Variants in SLC39A7 observed in about 807,000 individuals in gnomAD.
SLC39A7 encodes solute carrier family 39 member 7.
SLC39A7 carries 25 observed loss-of-function variants against 39.7 expected under a neutral mutation model. The observed-to-expected ratio is 0.63, with a 90% CI of 0.46 to 0.88. The LOEUF (loss-of-function observed/expected upper bound fraction) is 0.88. Ranked by LOEUF, SLC39A7 falls within the 40% of genes least tolerant of loss-of-function variation. The pLI is 0.00. For synonymous variants in SLC39A7, 181 were observed against 234.1 expected (o/e 0.77, Z 2.07); for missense variants, 501 against 592.1 (o/e 0.85, Z 1.60).
chr6:33,201,525 C>A lies in SLC39A7; in HGVS notation c.280C>A (p.His94Asn). ...TGAGGATTTACACCATGGCCATAGC[C>A]ATGGCTACTCCCATGAGAGCCTCTA... The part of the protein sequence containing the change: ...SHEDLHHGHS[H>N]GYSHESLYHR... Residue 94 changes from histidine (H) to asparagine (N), a missense_variant, in exon 1 of 7, where the codon CAT becomes AAT. By Grantham distance (68) the His-to-Asn change is moderately conservative. Coordinates refer to ENST00000374677, the MANE Select transcript of SLC39A7 (RefSeq NM_006979.3). The surrounding 1 kb of genome is among the most constrained non-coding windows in gnomAD (Gnocchi z 5.9). The A allele has an allele frequency of 6.2e-7, 1 of 1,614,186 alleles. No homozygotes were observed. The highest frequency in any genetic ancestry group is 8.5e-7 in the Non-Finnish European group (1 of 1,180,026).
chr6:33,204,394 G>A lies in SLC39A7; in HGVS notation c.*581G>A. 1.7e-6 allele frequency: 1 copy of A among 595,830 alleles called. No individual in the cohort carries two copies. Among genetic ancestry groups the A allele is most frequent in the South Asian group, 2.0e-5 (1 of 50,406 alleles). 36.9% of individuals were successfully genotyped at this position (595,830 alleles called of 1,614,324 possible). A position where few individuals can be genotyped will look rare whatever the true frequency, so the allele number is the denominator to read the frequency against. On this transcript the variant is annotated 3_prime_UTR_variant, in exon 7 of 7. Coordinates refer to ENST00000374677, the MANE Select transcript of SLC39A7 (RefSeq NM_006979.3). The stretch of plus-strand genomic sequence containing the variant: ...ATATCACTGTGTTTGAATCGAGGGG[G>A]AGGGGTGGTAACCGGAAATAAAGAC...
intron 4 of SLC39A7, 31 bp from the exon 5 acceptor site, chr6:33,202,529 T>C (rs755621854): frequency 6.3e-7 from 1 of 1,594,320 alleles, no homozygotes; most frequent in Non-Finnish European, 8.5e-7. Flanking sequence ...AGATCTGTTC[T>C]CCACTCTGAC....
rs1256382806 is a variant in SLC39A7, at chr6:33,202,717, G to C, written c.940+17G>C. The C allele has an allele frequency of 6.3e-7, 1 of 1,578,968 alleles. No homozygotes were observed. Among genetic ancestry groups the C allele is most frequent in the Non-Finnish European group, 8.6e-7 (1 of 1,168,862 alleles). ...GAGGCTTAGGTAAGGGCCAGAGTTGGTGATAAATTTGGGCAAGGGACATCA... is the reference window on the plus strand; with the variant it reads ...GAGGCTTAGGTAAGGGCCAGAGTTGCTGATAAATTTGGGCAAGGGACATCA... On this transcript the variant is annotated intron_variant, in intron 5 of 6. Transcript: ENST00000374677.
In SLC39A7 at chr6:33,201,904, C is replaced by A. The variant is rs533011440; in HGVS notation, c.571C>A (p.His191Asn). ...LGDAFLHLIP[H>N]ALEPHSHHTL... ...AGATGCTTTCCTGCACCTCATTCCT[C>A]ATGCTCTTGGTAAGTAACCTCTGAC... The change falls in exon 2 of 7, where the codon CAT (histidine) becomes AAT (asparagine). Residue 191 changes from histidine (H) to asparagine (N), a missense_variant. Coordinates refer to ENST00000374677, the MANE Select transcript of SLC39A7 (RefSeq NM_006979.3). The surrounding 1 kb of genome is among the most constrained non-coding windows in gnomAD (Gnocchi z 5.9). 5 of 1,612,854 alleles carry A rather than the reference C, an allele frequency of 3.1e-6. No homozygotes were observed. Among genetic ancestry groups the A allele is most frequent in the Non-Finnish European group, 4.2e-6 (5 of 1,179,996 alleles).
At chr6:33,203,393 C>T (rs1057260121) in intron 6 of SLC39A7, 148 bp from the exon 7 acceptor site, 1 of 844,972 alleles carries the variant, frequency 1.2e-6, no homozygotes, top group Non-Finnish European at 1.8e-6. Context: ...CAGAAATTGT[C>T]TATTCTAGAC....
chr6:33,202,362 GTCACAGTCATGGACATGGACACGC>G lies in SLC39A7; in HGVS notation c.745_768del (p.Gly249_His256del). 2 of 1,612,886 alleles carry G rather than the reference GTCACAGTCATGGACATGGACACGC, an allele frequency of 1.2e-6. No individual in the cohort carries two copies. The highest frequency in any genetic ancestry group is 2.2e-5 in the East Asian group (1 of 44,884). ...GTGAGACATGTGAAAGGAGGACATG[GTCACAGTCATGGACATGGACACGC>G]TCACAGTCATACACGTGGAAGTCAT... On this transcript the variant is annotated inframe_deletion, in exon 4 of 7. Transcript: ENST00000374677.
chr6:33,204,135 G>A lies in SLC39A7; in HGVS notation c.*322G>A, dbSNP rs1212694559. On this transcript the variant is annotated 3_prime_UTR_variant, in exon 7 of 7. Coordinates refer to ENST00000374677, the MANE Select transcript of SLC39A7 (RefSeq NM_006979.3). ...GGTGTCCCCTACCCCACCTGTTCTC[G>A]GAGAACCAAGTTGCTACACAGGAAG... 3.9e-6 allele frequency: 2 copies of A among 519,170 alleles called. No individual in the cohort carries two copies. The highest frequency in any genetic ancestry group is 6.9e-6 in the Non-Finnish European group (2 of 289,424). The allele number at this position is 519,170 out of a possible 1,614,324, so 32.2% of individuals were successfully genotyped here. A position where few individuals can be genotyped will look rare whatever the true frequency, so the allele number is the denominator to read the frequency against.
In SLC39A7 at chr6:33,203,545, T is replaced by TG; in HGVS notation, c.1143dup (p.Arg382AlafsTer21). ...TTTCTCTTTTCTGCCCATCAGGCGA[T>TG]GCGTCTGCAACTACTGACAGCAGTA... is the stretch of plus-strand genomic sequence containing the variant. On this transcript the variant is annotated frameshift_variant, in exon 7 of 7. Transcript: ENST00000374677. LOFTEE classifies it high-confidence loss of function. The TG allele has an allele frequency of 2.5e-6, 4 of 1,614,150 alleles. No homozygotes were observed. Among genetic ancestry groups the TG allele is most frequent in the Non-Finnish European group, 3.4e-6 (4 of 1,179,940 alleles).
rs200525744 is a variant in SLC39A7 at position 33,203,725 on chromosome 6, G to A, written c.1322G>A (p.Arg441Lys). The change falls in exon 7 of 7, where the codon AGG becomes AAG. Residue 441 changes from arginine to lysine, a missense_variant. Physicochemically the swap from Arg to Lys is conservative, Grantham distance 26. Coordinates refer to ENST00000374677, the MANE Select transcript of SLC39A7 (RefSeq NM_006979.3). ...ATVSVLPELL[R>K]EASPLQSLLE... Reference sequence around the variant, plus strand: ...GTGTCTGTGTTGCCCGAGCTGCTGAGGGAGGCATCACCATTGCAATCACTT... The same window carrying A: ...GTGTCTGTGTTGCCCGAGCTGCTGAAGGAGGCATCACCATTGCAATCACTT... 5 of 1,614,240 alleles carry A rather than the reference G, an allele frequency of 3.1e-6. No homozygotes were observed. In the Admixed American group the frequency reaches 6.7e-5, roughly 22 times the overall value.
rs1424644687 is a variant in SLC39A7 at position 33,204,352 on chromosome 6, TTGTTTCTATTCCTTTTATATCAC to T, written c.*543_*565del. On this transcript the variant is annotated 3_prime_UTR_variant, in exon 7 of 7. Coordinates refer to ENST00000374677, the MANE Select transcript of SLC39A7 (RefSeq NM_006979.3). Reference sequence around the variant, plus strand: ...TGGTATTCTCATGGCCTGATTTTTTTTGTTTCTATTCCTTTTATATCACTGTGTTTGAATCGAGGGGGAGGGGT... The same window carrying T: ...TGGTATTCTCATGGCCTGATTTTTTTTGTGTTTGAATCGAGGGGGAGGGGT... The T allele has an allele frequency of 1.8e-6, 1 of 561,790 alleles. No homozygotes were observed. Among genetic ancestry groups the T allele is most frequent in the Non-Finnish European group, 3.2e-6 (1 of 312,892 alleles). 34.8% of individuals were successfully genotyped at this position (561,790 alleles called of 1,614,324 possible).
At position 33,202,898 on chromosome 6, in the gene SLC39A7, G is replaced by A. The variant is rs901735583; in HGVS notation, c.941-12G>A. On this transcript the variant is annotated splice_polypyrimidine_tract_variant and intron_variant, in intron 5 of 6. Transcript: ENST00000374677. ...AAGCCTCTGATCATTTTCTCTTCTT[G>A]TCCTGTACAAGACCTGCGTGTGTCG... The A allele has an allele frequency of 6.2e-7, 1 of 1,603,122 alleles. No individual in the cohort carries two copies. The highest frequency in any genetic ancestry group is 8.5e-7 in the Non-Finnish European group (1 of 1,177,452).
chr6:33,203,902 C>G lies in SLC39A7; in HGVS notation c.*89C>G. The G allele has an allele frequency of 7.5e-7, 1 of 1,332,546 alleles. No homozygotes were observed. Among genetic ancestry groups the G allele is most frequent in the Non-Finnish European group, 1.1e-6 (1 of 946,600 alleles). 82.5% of individuals were successfully genotyped at this position (1,332,546 alleles called of 1,614,324 possible). ...GGTTGGGGGCCCTGGCCAGGGACAT[C>G]TGCCAAAGGAAGGAACTGTAGCCTG... is the stretch of plus-strand genomic sequence containing the variant. On this transcript the variant is annotated 3_prime_UTR_variant, in exon 7 of 7. Coordinates refer to ENST00000374677, the MANE Select transcript of SLC39A7 (RefSeq NM_006979.3).
Position 33,204,407 on chromosome 6 carries a change from C to A in SLC39A7, c.*594C>A, listed in dbSNP as rs186100646. The A allele has an allele frequency of 5.4e-4, 325 of 596,332 alleles. 1 individual carries two copies. In the Middle Eastern group the frequency reaches 5.8e-3, roughly 11 times the overall value. 36.9% of individuals were successfully genotyped at this position (596,332 alleles called of 1,614,324 possible). Reference sequence around the variant, plus strand: ...TGAATCGAGGGGGAGGGGTGGTAACCGGAAATAAAGACCTCCGATCTTCCG... The same window carrying A: ...TGAATCGAGGGGGAGGGGTGGTAACAGGAAATAAAGACCTCCGATCTTCCG... On this transcript the variant is annotated 3_prime_UTR_variant, in exon 7 of 7. Coordinates refer to ENST00000374677, the MANE Select transcript of SLC39A7 (RefSeq NM_006979.3).
At chr6:33,202,806 G>A in intron 5 of SLC39A7, 104 bp from the exon 6 acceptor site, 3 of 1,551,468 alleles carry the variant, frequency 1.9e-6, no homozygotes, top group Non-Finnish European at 2.6e-6. Flanking sequence ...CTAAAGGACT[G>A]GGTGTAAAGT....
In SLC39A7 at chr6:33,204,006, A is replaced by G; in HGVS notation, c.*193A>G. On this transcript the variant is annotated 3_prime_UTR_variant, in exon 7 of 7. Coordinates refer to ENST00000374677, the MANE Select transcript of SLC39A7 (RefSeq NM_006979.3). The stretch of plus-strand genomic sequence containing the variant: ...GCTGGAGCGGTGAGAATGAGAGGCC[A>G]GAGGGACCATAGTGTTGGGCACTGT... 1 of 619,542 alleles carries G rather than the reference A, an allele frequency of 1.6e-6. No individual in the cohort carries two copies. Among genetic ancestry groups the G allele is most frequent in the Non-Finnish European group, 2.8e-6 (1 of 351,138 alleles). The allele number at this position is 619,542 out of a possible 1,614,324, so 38.4% of individuals were successfully genotyped here. A position where few individuals can be genotyped will look rare whatever the true frequency, so the allele number is the denominator to read the frequency against.
At chr6:33,202,483 A>G in intron 4 of SLC39A7, 56 bp downstream of exon 4, 1 of 1,604,328 alleles carries the variant, frequency 6.2e-7, no homozygotes, top group Non-Finnish European at 8.5e-7. Context: ...GAATCTCCTC[A>G]TCTTATGGCC....
Position 33,200,985 on chromosome 6 carries a change from C to T in SLC39A7, c.-261C>T, listed in dbSNP as rs2150679996. The stretch of plus-strand genomic sequence containing the variant: ...TCTACCATCCTTTCCAGGCCTTTTC[C>T]TCACCTAATGAGTCGTAGAGACGAG... On this transcript the variant is annotated 5_prime_UTR_variant, in exon 1 of 7. Coordinates refer to ENST00000374677, the MANE Select transcript of SLC39A7 (RefSeq NM_006979.3). This position sits in a 1 kb window ranked among gnomAD's most constrained non-coding sequence, Gnocchi z 6.3. 1 of 807,214 alleles carries T rather than the reference C, an allele frequency of 1.2e-6. No homozygotes were observed. The highest frequency in any genetic ancestry group is 2.1e-6 in the Non-Finnish European group (1 of 468,836). The allele number at this position is 807,214 out of a possible 1,614,324, so 50.0% of individuals were successfully genotyped here.
rs1774507726 is a variant in SLC39A7 at position 33,201,146 on chromosome 6, A to G, written c.-100A>G. The G allele has an allele frequency of 8.6e-7, 1 of 1,165,278 alleles. No individual in the cohort carries two copies. The highest frequency in any genetic ancestry group is 1.4e-5 in the South Asian group (1 of 70,698). The allele number at this position is 1,165,278 out of a possible 1,614,324, so 72.2% of individuals were successfully genotyped here. A position where few individuals can be genotyped will look rare whatever the true frequency, so the allele number is the denominator to read the frequency against. ...ACTTAAGGGAATGGGAGAGCGGCCC[A>G]TAGAGGTGGACGGAGGGCGCGATTG... On this transcript the variant is annotated 5_prime_UTR_variant, in exon 1 of 7. Transcript: ENST00000374677. The surrounding 1 kb of genome is among the most constrained non-coding windows in gnomAD (Gnocchi z 5.9).
Position 33,203,947 on chromosome 6 carries a change from A to G in SLC39A7, c.*134A>G, listed in dbSNP as rs1037634307. On this transcript the variant is annotated 3_prime_UTR_variant, in exon 7 of 7. Coordinates refer to ENST00000374677, the MANE Select transcript of SLC39A7 (RefSeq NM_006979.3). ...AGCCTGGGAGAATGGTTACTTTGGCATTAGGGCCTTCAAGGGCTGGCAGTC... is the reference window on the plus strand; with the variant it reads ...AGCCTGGGAGAATGGTTACTTTGGCGTTAGGGCCTTCAAGGGCTGGCAGTC... 2.3e-6 allele frequency: 2 copies of G among 858,934 alleles called. No homozygotes were observed. Among genetic ancestry groups the G allele is most frequent in the Non-Finnish European group, 3.6e-6 (2 of 551,628 alleles). 53.2% of individuals were successfully genotyped at this position (858,934 alleles called of 1,614,324 possible).
Sources: allele counts gnomAD v4.1 joint callset, GRCh38; gene constraint gnomAD v4.1.1; non-coding constraint Gnocchi (gnomAD v3.1); transcripts MANE v1.5; gene names NCBI Gene and HGNC (gene_info 2026-07-23, HGNC 2026-07-21).